Variants in SMIM10L3 observed in about 807,000 individuals in gnomAD.
The protein encoded by SMIM10L3 is salivary gland specific protein SAGSIN1.
At chr7:6,333,840 C>CTTTT in the SMIM10L3 span, among the ~76,000 whole-genome samples, 2 of 96,828 alleles carry the variant, frequency 2.1e-5, no homozygotes, top group African/African-American at 3.9e-5. Context: ...CTCCTGGCCT[C>CTTTT]TTTTTTTTTT....
At chr7:6,344,339 A>T in the SMIM10L3 span, among the ~76,000 whole-genome samples, 5 of 152,190 alleles carry the variant, frequency 3.3e-5, no homozygotes, top group Non-Finnish European at 7.3e-5. Flanking sequence ...ATCAAGGCCA[A>T]GAAGACAGAC....
chr7:6,341,238 A>G, the SMIM10L3 span, among the ~76,000 whole-genome samples: 72 of 151,146 alleles, frequency 4.8e-4, no homozygotes, highest in African/African-American at 1.6e-3. Context: ...AGGTCAGGAG[A>G]TTGAGACCAT....
At chr7:6,338,014 G>C in the SMIM10L3 span, among the ~76,000 whole-genome samples, 4 of 151,968 alleles carry the variant, frequency 2.6e-5, no homozygotes, top group East Asian at 7.7e-4. Flanking sequence ...ATGTTGGCCA[G>C]GCTGCTCTCG....
At chr7:6,337,595 TC>T in the SMIM10L3 span, among the ~76,000 whole-genome samples, 1 of 151,686 alleles carries the variant, frequency 6.6e-6, no homozygotes, top group African/African-American at 2.4e-5. Context: ...TTATTTTTTT[TC>T]ATTTCCTTAG....
the SMIM10L3 span, chr7:6,348,948 C>CCAGCCTGGCCGCG: frequency 2.6e-6 from 1 of 379,874 alleles, no homozygotes; most frequent in East Asian, 3.8e-5. Flanking sequence ...GCCGCCTGTA[C>CCAGCCTGGCCGCG]CAGCCTGGCC....
chr7:6,334,995 G>A, the SMIM10L3 span, among the ~76,000 whole-genome samples: 1 of 151,762 alleles, frequency 6.6e-6, no homozygotes, highest in Non-Finnish European at 1.5e-5. Context: ...TCAAACTCCC[G>A]ACCTCAGGTG....
the SMIM10L3 span, among the ~76,000 whole-genome samples, chr7:6,347,358 A>G: frequency 5.9e-5 from 9 of 151,956 alleles, no homozygotes; most frequent in African/African-American, 2.2e-4. Flanking sequence ...CTACTTAAAA[A>G]TACAAAAATT....
At chr7:6,335,868 C>A in the SMIM10L3 span, among the ~76,000 whole-genome samples, 1 of 151,904 alleles carries the variant, frequency 6.6e-6, no homozygotes, top group South Asian at 2.1e-4. Context: ...GACCCTGTCT[C>A]TACAAAAAAA....
At chr7:6,340,971 A>AAC in the SMIM10L3 span, among the ~76,000 whole-genome samples, 1 of 144,946 alleles carries the variant, frequency 6.9e-6, no homozygotes, top group Non-Finnish European at 1.5e-5. Flanking sequence ...CTACTAAAAA[A>AAC]AAAAAAAAAA....
At chr7:6,330,128 G>A in the SMIM10L3 span, 2 of 510,432 alleles carry the variant, frequency 3.9e-6, no homozygotes, top group African/African-American at 3.9e-5. Flanking sequence ...TACAGGCTAT[G>A]ATCGTCTCCT....
the SMIM10L3 span, chr7:6,348,925 G>A: frequency 4.2e-3 from 1,618 of 384,098 alleles, 20 homozygotes; most frequent in African/African-American, 0.03. Context: ...TCGGAGAAGT[G>A]CCTCCGCGAG....
the SMIM10L3 span, among the ~76,000 whole-genome samples, chr7:6,339,693 G>C: frequency 6.6e-6 from 1 of 151,698 alleles, no homozygotes; most frequent in Admixed American, 6.6e-5. Flanking sequence ...CCATGGTCTC[G>C]ATCTCCTGAC....
the SMIM10L3 span, among the ~76,000 whole-genome samples, chr7:6,340,665 C>G: frequency 6.6e-6 from 1 of 151,820 alleles, no homozygotes; most frequent in South Asian, 2.1e-4. Flanking sequence ...TTTGGGAGGC[C>G]GAGGCGGGCG....
the SMIM10L3 span, among the ~76,000 whole-genome samples, chr7:6,347,121 G>T: frequency 6.6e-6 from 1 of 152,150 alleles, no homozygotes; most frequent in Non-Finnish European, 1.5e-5. Context: ...GAGGCCAGAA[G>T]TTCAAGACCA....
chr7:6,335,934 A>G, the SMIM10L3 span, among the ~76,000 whole-genome samples: 1 of 152,054 alleles, frequency 6.6e-6, no homozygotes, highest in Non-Finnish European at 1.5e-5. Flanking sequence ...GCACTCTGGG[A>G]GGCCAAGACG....
the SMIM10L3 span, among the ~76,000 whole-genome samples, chr7:6,334,950 TAG>T: frequency 6.6e-6 from 1 of 151,402 alleles, no homozygotes; most frequent in Non-Finnish European, 1.5e-5. Context: ...GTATTTTTAA[TAG>T]AGACGGGTTT....
chr7:6,332,310 T>C, the SMIM10L3 span, among the ~76,000 whole-genome samples: 1 of 151,868 alleles, frequency 6.6e-6, no homozygotes, highest in Non-Finnish European at 1.5e-5. Flanking sequence ...CCAAAGAAAA[T>C]AGTCTAATTA....
At chr7:6,339,728 C>G in the SMIM10L3 span, among the ~76,000 whole-genome samples, 24 of 152,276 alleles carry the variant, frequency 1.6e-4, no homozygotes, top group East Asian at 1.9e-3. Context: ...ACCTCAGCCT[C>G]CCAAAGTGCT....
chr7:6,330,030 A>C, the SMIM10L3 span: 4 of 264,520 alleles, frequency 1.5e-5, no homozygotes, highest in African/African-American at 4.6e-5. Context: ...AGTCAAAAGG[A>C]CACACAGGAT....
Sources: allele counts gnomAD v4.1 joint callset (sites outside exome capture counted in the v4.1 genomes callset), GRCh38; gene constraint gnomAD v4.1.1; transcripts MANE v1.5; gene names NCBI Gene and HGNC (gene_info 2026-07-23, HGNC 2026-07-21).